NSUN2: variants seen among roughly 807,000 people sequenced by gnomAD.
The protein encoded by NSUN2 is NOP2/Sun RNA methyltransferase 2.
In NSUN2, 63 loss-of-function variants were observed where a neutral mutation model predicts 92.7. The observed-to-expected ratio is 0.68, with a 90% CI of 0.56 to 0.84. The LOEUF (loss-of-function observed/expected upper bound fraction) is 0.84. Ranked by LOEUF, NSUN2 falls within the 40% of genes least tolerant of loss-of-function variation. The pLI is 0.00. For synonymous variants in NSUN2, 356 were observed against 348.3 expected (o/e 1.02, Z -0.25); for missense variants, 989 against 964.9 (o/e 1.02, Z -0.33).
chr5:6,609,949 T>A (rs918997749), intron 11 of NSUN2, 27 bp from the exon 12 acceptor site: 24 of 1,416,486 alleles, frequency 1.7e-5, no homozygotes, highest in Non-Finnish European at 2.1e-5. Flanking sequence ...AATTCACACC[T>A]CTGAACTAAT....
At chr5:6,610,289 C>T (rs1049216604) in intron 11 of NSUN2, among the ~76,000 whole-genome samples, 3 of 151,850 alleles carry the variant, frequency 2.0e-5, no homozygotes, top group African/African-American at 7.3e-5. Flanking sequence ...GTCGTCCAGG[C>T]TGGTCTCAAA....
chr5:6,604,774 C>G, intron 15 of NSUN2, 89 bp from the exon 16 acceptor site: 1 of 1,089,586 alleles, frequency 9.2e-7, no homozygotes. Context: ...GCAACCGTCA[C>G]GGAATGGGAA....
At chr5:6,607,483 A>G (rs1029027746) in intron 12 of NSUN2, 99 bp from the exon 13 acceptor site, 12 of 1,016,788 alleles carry the variant, frequency 1.2e-5, no homozygotes, top group Middle Eastern at 2.6e-4. Flanking sequence ...CATCAGTTAT[A>G]TTTTTCTACA....
intron 2 of NSUN2, 139 bp downstream of exon 2, chr5:6,632,460 A>C: frequency 1.1e-6 from 1 of 940,752 alleles, no homozygotes; most frequent in Admixed American, 2.3e-5. Flanking sequence ...TGTGCTCCCC[A>C]CCTCAATGCT....
intron 2 of NSUN2, 33 bp from the exon 3 acceptor site, chr5:6,632,010 TA>T (rs767809111): frequency 4.7e-6 from 7 of 1,503,182 alleles, no homozygotes; most frequent in South Asian, 1.2e-5. Flanking sequence ...CAAACTGATC[TA>T]AAAAACTAAG....
In NSUN2 at chr5:6,602,626, C is replaced by G. The variant is rs189452755; in HGVS notation, c.1958-126G>C. ...AAGAAAACAACAAATAATCTACATTCTTGGCTTCAAGGATCTAGATGGTGA... is the reference window on the plus strand; with the variant it reads ...AAGAAAACAACAAATAATCTACATTGTTGGCTTCAAGGATCTAGATGGTGA... On this transcript the variant is annotated intron_variant, in intron 17 of 18. Coordinates refer to ENST00000264670, the MANE Select transcript of NSUN2 (RefSeq NM_017755.6). 1.9e-5 allele frequency: 18 copies of G among 931,446 alleles called. No homozygotes were observed. The East Asian group carries it at 4.3e-4, about 22-fold the overall frequency. The allele number at this position is 931,446 out of a possible 1,614,324, so 57.7% of individuals were successfully genotyped here. A position where few individuals can be genotyped will look rare whatever the true frequency, so the allele number is the denominator to read the frequency against.
Position 6,631,983 on chromosome 5 carries a change from G to T in NSUN2, c.255-6C>A, listed in dbSNP as rs936124139. On this transcript the variant is annotated splice_region_variant and splice_polypyrimidine_tract_variant and intron_variant, in intron 2 of 18. Transcript: ENST00000264670. ...GGAGAATCTCTTTTGCGTGGCTATT[G>T]AAAAATAAGGAAGTTTCAAACTGAT... 2 of 1,595,914 alleles carry T rather than the reference G, an allele frequency of 1.3e-6. No individual in the cohort carries two copies. Among genetic ancestry groups the T allele is most frequent in the Non-Finnish European group, 1.7e-6 (2 of 1,166,322 alleles).
chr5:6,619,499 T>C (rs1016286533), intron 7 of NSUN2, among the ~76,000 whole-genome samples: 8 of 152,246 alleles, frequency 5.3e-5, no homozygotes, highest in African/African-American at 1.9e-4. Flanking sequence ...TGTCTTTAGT[T>C]TTGTTTCTTT....
rs569156096 is a variant in NSUN2 at position 6,629,226 on chromosome 5, G to A, written c.359+2647C>T. On this transcript the variant is annotated intron_variant, in intron 3 of 18. Coordinates refer to ENST00000264670, the MANE Select transcript of NSUN2 (RefSeq NM_017755.6). The stretch of plus-strand genomic sequence containing the variant: ...ATTCTTCAACTACAGACAACCTGCA[G>A]ATTCTAAGAGTTTGGTAATTACCTT... Among the ~76,000 whole-genome samples, 3 of 152,328 alleles carry A rather than the reference G, an allele frequency of 2.0e-5. 1 individual carries two copies. In the South Asian group the frequency reaches 6.2e-4, roughly 32 times the overall value.
At chr5:6,604,749 G>A in intron 15 of NSUN2, 64 bp from the exon 16 acceptor site, 1 of 1,362,308 alleles carries the variant, frequency 7.3e-7, no homozygotes, top group Non-Finnish European at 1.0e-6. Flanking sequence ...CTGTAAGGAT[G>A]CCGGGCCACA....
intron 14 of NSUN2, among the ~76,000 whole-genome samples, chr5:6,605,961 G>C (rs1469071696): frequency 6.6e-6 from 1 of 152,160 alleles, no homozygotes; most frequent in Non-Finnish European, 1.5e-5. Context: ...CCCAAGTGCT[G>C]GGATGTGCCC....
At chr5:6,622,172 C>A in intron 5 of NSUN2, 72 bp from the exon 6 acceptor site, 2 of 1,238,032 alleles carry the variant, frequency 1.6e-6, no homozygotes, top group Non-Finnish European at 2.3e-6. Context: ...TAAAGCAATT[C>A]TAGTTTTTCA....
chr5:6,606,128 TTCTG>T (rs1369421242), intron 14 of NSUN2, among the ~76,000 whole-genome samples: 4 of 152,368 alleles, frequency 2.6e-5, no homozygotes, highest in South Asian at 2.1e-4. Flanking sequence ...TTCCTCTATA[TTCTG>T]TCTATGTCAT....
Position 6,609,939 on chromosome 5 carries a change from A to G in NSUN2, c.1227-17T>C. ...ATCCTAAGGCTAAATATATATATAT[A>G]ATTCACACCTCTGAACTAATCAAAA... On this transcript the variant is annotated splice_polypyrimidine_tract_variant and intron_variant, in intron 11 of 18. Coordinates refer to ENST00000264670, the MANE Select transcript of NSUN2 (RefSeq NM_017755.6). The G allele has an allele frequency of 5.4e-6, 8 of 1,495,262 alleles. No individual in the cohort carries two copies. The highest frequency in any genetic ancestry group is 6.5e-6 in the Non-Finnish European group (7 of 1,079,514). 92.6% of individuals were successfully genotyped at this position (1,495,262 alleles called of 1,614,324 possible). A position where few individuals can be genotyped will look rare whatever the true frequency, so the allele number is the denominator to read the frequency against.
intron 5 of NSUN2, 43 bp downstream of exon 5, chr5:6,623,171 T>C (rs763336461): frequency 1.3e-6 from 2 of 1,543,678 alleles, no homozygotes; most frequent in South Asian, 1.2e-5. Flanking sequence ...ATGACACTGG[T>C]AACAAGCTGC....
In NSUN2 at chr5:6,606,859, A is replaced by G. The variant is rs1393709959; in HGVS notation, c.1562T>C (p.Val521Ala). The change falls in exon 14 of 19, where the codon GTA becomes GCA. Residue 521 changes from valine to alanine, a missense_variant. Coordinates refer to ENST00000264670, the MANE Select transcript of NSUN2 (RefSeq NM_017755.6). ...KLFGFKEDPF[V>A]FIPEDDPLFP... ...TAATGGGTCATCTTCAGGAATAAAT[A>G]CAAATGGATCTTCTTTAAATCCAAA... 6.3e-7 allele frequency: 1 copy of G among 1,597,310 alleles called. No individual in the cohort carries two copies. The highest frequency in any genetic ancestry group is 1.1e-5 in the South Asian group (1 of 90,300).
rs932512106 is a variant in NSUN2, at chr5:6,623,415, T to C, written c.466-130A>G. The stretch of plus-strand genomic sequence containing the variant: ...ATCTTATACAGAATGAGAGAACTCA[T>C]ACTATCACACAGAACACTAAATGAG... On this transcript the variant is annotated intron_variant, in intron 4 of 18. Transcript: ENST00000264670. 16 of 706,852 alleles carry C rather than the reference T, an allele frequency of 2.3e-5. No individual in the cohort carries two copies. The Middle Eastern group carries it at 2.0e-3, about 90-fold the overall frequency. 43.8% of individuals were successfully genotyped at this position (706,852 alleles called of 1,614,324 possible).
At chr5:6,623,319 G>GAAAAAAAAAAAAATCAGCAACAATTAGGA in intron 4 of NSUN2, 34 bp from the exon 5 acceptor site, 1 of 1,246,708 alleles carries the variant, frequency 8.0e-7, no homozygotes, top group Non-Finnish European at 1.1e-6. Flanking sequence ...CAACAATTAG[G>GAAAAAAAAAAAAATCAGCAACAATTAGGA]AAAAAAAAAA....
chr5:6,631,752 A>G (rs1447914807), intron 3 of NSUN2, 121 bp downstream of exon 3: 3 of 718,262 alleles, frequency 4.2e-6, no homozygotes, highest in Non-Finnish European at 7.2e-6. Context: ...CTAGAACATT[A>G]GGATGTTTGC....
Sources: gnomAD v4.1 joint callset for allele counts (sites outside exome capture counted in the v4.1 genomes callset) on GRCh38, gnomAD v4.1.1 for gene constraint, MANE v1.5 for transcripts, NCBI Gene and HGNC (gene_info 2026-07-23, HGNC 2026-07-21) for gene names.